CLIC4: variants seen among roughly 807,000 people sequenced by gnomAD.
CLIC4 encodes the protein CLIC family member 4.
In CLIC4, 13 loss-of-function variants were observed where a neutral mutation model predicts 24.6. The observed-to-expected ratio is 0.53, with a 90% CI of 0.34 to 0.84. The LOEUF is 0.84. Ranked by LOEUF, CLIC4 falls within the 40% of genes least tolerant of loss-of-function variation. The pLI, the probability that CLIC4 is intolerant of heterozygous loss-of-function variation, is 0.01. For synonymous variants in CLIC4, 104 were observed against 111.3 expected, an observed-to-expected ratio of 0.93 and a Z score of 0.41; for missense variants, 227 against 301.7, an observed-to-expected ratio of 0.75 and a Z score of 1.83.
At chr1:24,816,417 T>C (rs1283274493) in intron 3 of CLIC4, among the ~76,000 whole-genome samples, 4 of 151,890 alleles carry the variant, frequency 2.6e-5, no homozygotes, top group African/African-American at 9.7e-5. Flanking sequence ...TTTTTTTGTA[T>C]TTTTTAGTAG....
intron 4 of CLIC4, among the ~76,000 whole-genome samples, chr1:24,839,354 C>A (rs372404354): frequency 6.6e-6 from 1 of 152,186 alleles, no homozygotes; most frequent in South Asian, 2.1e-4. Context: ...GGCTGGAGTG[C>A]AGTGGTGCTA....
intron 1 of CLIC4, among the ~76,000 whole-genome samples, chr1:24,764,284 G>A (rs1557796545): frequency 6.6e-6 from 1 of 152,040 alleles, no homozygotes; most frequent in Non-Finnish European, 1.5e-5. Flanking sequence ...ATTTTTAGTA[G>A]AGACGGGGTT....
In CLIC4 at chr1:24,844,304, C is replaced by T. The variant is rs1215639495; in HGVS notation, c.*3367C>T. 1 of 152,382 alleles carries T rather than the reference C, an allele frequency of 6.6e-6. No individual in the cohort carries two copies. Among genetic ancestry groups the T allele is most frequent in the Admixed American group, 6.6e-5 (1 of 15,240 alleles). The allele number at this position is 152,382 out of a possible 1,614,324, so 9.4% of individuals were successfully genotyped here. On this transcript the variant is annotated 3_prime_UTR_variant, in exon 6 of 6. Transcript: ENST00000374379. ...TTTTTTCCCCCCTCATGAAAATAAA[C>T]AACAACTTGGGGTAAAAGTGTTTGA...
intron 1 of CLIC4, among the ~76,000 whole-genome samples, chr1:24,755,224 C>G (rs1359888951): frequency 1.3e-5 from 2 of 151,632 alleles, no homozygotes; most frequent in Non-Finnish European, 2.9e-5. Flanking sequence ...CCTCGGCCTC[C>G]CAAAGTACTG....
At chr1:24,768,299 C>T (rs545936355) in intron 1 of CLIC4, among the ~76,000 whole-genome samples, 2 of 152,252 alleles carry the variant, frequency 1.3e-5, no homozygotes, top group African/African-American at 4.8e-5. Context: ...CCAAATTTCA[C>T]TATTTCTTGA....
At chr1:24,812,087 T>C (rs1484414920) in intron 2 of CLIC4, among the ~76,000 whole-genome samples, 2 of 152,222 alleles carry the variant, frequency 1.3e-5, no homozygotes, top group Non-Finnish European at 2.9e-5. Context: ...ATTTTACATT[T>C]TTCTGTGTGT....
intron 1 of CLIC4, among the ~76,000 whole-genome samples, chr1:24,785,003 CAAAAAAA>C (rs371409071): frequency 1.2e-4 from 15 of 122,256 alleles, no homozygotes; most frequent in South Asian, 2.7e-4. Flanking sequence ...GACTCTGTCT[CAAAAAAA>C]AAAAAAAAGA....
Position 24,830,067 on chromosome 1 carries a change from A to G in CLIC4, c.415+2951A>G, listed in dbSNP as rs538439381. On this transcript the variant is annotated intron_variant, in intron 4 of 5. Transcript: ENST00000374379. ...GTCATTGTAAATTATCTTGTTTTTC[A>G]ATAACCGAAGTGCTCTTATTACATT... 4.0e-4 allele frequency among the ~76,000 whole-genome samples: 61 copies of G among 152,276 alleles called. 1 individual carries two copies. The highest frequency in any genetic ancestry group is 7.4e-5 in the Non-Finnish European group (5 of 67,998).
chr1:24,752,170 G>A (rs1638784589), intron 1 of CLIC4, among the ~76,000 whole-genome samples: 1 of 152,140 alleles, frequency 6.6e-6, no homozygotes, highest in Non-Finnish European at 1.5e-5. Context: ...AGCTCTCAGT[G>A]CTTCAGTTTC....
chr1:24,804,663 T>A (rs1475462543), intron 2 of CLIC4, among the ~76,000 whole-genome samples: 1 of 152,096 alleles, frequency 6.6e-6, no homozygotes, highest in Non-Finnish European at 1.5e-5. Context: ...CTTTATGTTC[T>A]TTTTTAAGAC....
chr1:24,765,985 A>G (rs1638990412), intron 1 of CLIC4, among the ~76,000 whole-genome samples: 1 of 150,772 alleles, frequency 6.6e-6, no homozygotes, highest in South Asian at 2.1e-4. Context: ...CTAATTTTTA[A>G]AATTTGTTTA....
At chr1:24,756,967 C>T (rs973305684) in intron 1 of CLIC4, among the ~76,000 whole-genome samples, 1 of 151,838 alleles carries the variant, frequency 6.6e-6, no homozygotes, top group Non-Finnish European at 1.5e-5. Context: ...ACGATCTCTG[C>T]TCACCGCAAC....
intron 1 of CLIC4, among the ~76,000 whole-genome samples, chr1:24,757,625 A>G (rs1456837907): frequency 2.0e-5 from 3 of 152,230 alleles, no homozygotes; most frequent in African/African-American, 2.4e-5. Context: ...ACCTAGGAAA[A>G]CAGAAAAAGT....
chr1:24,835,426 G>A (rs1383466209), intron 4 of CLIC4, among the ~76,000 whole-genome samples: 1 of 152,162 alleles, frequency 6.6e-6, no homozygotes, highest in Non-Finnish European at 1.5e-5. Context: ...AGCCAGGCGT[G>A]GTTGCTCACG....
chr1:24,826,289 T>C (rs1639786474), intron 3 of CLIC4, among the ~76,000 whole-genome samples: 1 of 152,202 alleles, frequency 6.6e-6, no homozygotes, highest in South Asian at 2.1e-4. Flanking sequence ...ATGTGTAATA[T>C]AAGGGAGGTT....
intron 1 of CLIC4, among the ~76,000 whole-genome samples, chr1:24,746,903 T>C (rs3122050): frequency 0.047 from 7,144 of 152,152 alleles, 552 homozygotes; most frequent in African/African-American, 0.16. Context: ...GTGGGAGAAC[T>C]GCTTGAGCCC....
At chr1:24,830,302 C>T (rs1177719453) in intron 4 of CLIC4, among the ~76,000 whole-genome samples, 1 of 152,086 alleles carries the variant, frequency 6.6e-6, no homozygotes, top group Non-Finnish European at 1.5e-5. Flanking sequence ...TATGTGCATA[C>T]ATTATGCAGT....
At chr1:24,822,102 A>G (rs2124161838) in intron 3 of CLIC4, among the ~76,000 whole-genome samples, 1 of 152,328 alleles carries the variant, frequency 6.6e-6, no homozygotes, top group South Asian at 2.1e-4. Flanking sequence ...AAGCCACATC[A>G]ATATGACTTC....
At chr1:24,766,473 GTTTTTTTTTTTTTTTTTTTTTTTTTTTTT>G (rs71032855) in intron 1 of CLIC4, among the ~76,000 whole-genome samples, 39 of 62,074 alleles carry the variant, frequency 6.3e-4, no homozygotes, top group Middle Eastern at 0.011. Context: ...TGCCCAGACG[GTTTTTTTTTTTTTTTTTTTTTTTTTTTTT>G]TTTTTTTTTT....
Sources: gnomAD v4.1 joint callset for allele counts (sites outside exome capture counted in the v4.1 genomes callset) on GRCh38, gnomAD v4.1.1 for gene constraint, MANE v1.5 for transcripts, NCBI Gene and HGNC (gene_info 2026-07-23, HGNC 2026-07-21) for gene names.